The following SLC44A3 variants were observed in gnomAD, a reference collection of about 807,000 sequenced individuals.
SLC44A3 encodes the protein solute carrier family 44 member 3, also known as choline transporter-like protein 3.
In SLC44A3, 74 loss-of-function variants were observed where a neutral mutation model predicts 75.4. The observed-to-expected ratio is 0.98, with a 90% confidence interval of 0.81 to 1.19. SLC44A3 has a LOEUF of 1.19. Among genes scored for constraint, SLC44A3 ranks in the 50% most tolerant of loss-of-function variants. The pLI is 0.00. For missense variants in SLC44A3, 700 were observed against 778.6 expected (o/e 0.90, Z 1.20); for synonymous variants, 310 against 296.9 (o/e 1.04, Z -0.45).
intron 12 of SLC44A3, among the ~76,000 whole-genome samples, chr1:94,875,510 C>G (rs1668176549): frequency 6.8e-6 from 1 of 146,586 alleles, no homozygotes; most frequent in South Asian, 2.1e-4. Flanking sequence ...TTCCTTGCCC[C>G]TTCTGAGCCT....
chr1:94,868,824 C>T (rs911108347), intron 12 of SLC44A3, among the ~76,000 whole-genome samples: 1 of 152,284 alleles, frequency 6.6e-6, no homozygotes, highest in Non-Finnish European at 1.5e-5. Context: ...GTTATCCCCT[C>T]TCACTGTACT....
At chr1:94,834,257 G>T (rs1662497840) in intron 5 of SLC44A3, among the ~76,000 whole-genome samples, 2 of 152,264 alleles carry the variant, frequency 1.3e-5, no homozygotes, top group Non-Finnish European at 2.9e-5. Context: ...GAAAATACCA[G>T]CTACGTCTGG....
chr1:94,845,334 G>A lies in SLC44A3; in HGVS notation c.942G>A (p.Glu314=), dbSNP rs1483585090. The A allele has an allele frequency of 4.3e-6, 7 of 1,613,928 alleles. No homozygotes were observed. Among genetic ancestry groups the A allele is most frequent in the Non-Finnish European group, 5.9e-6 (7 of 1,179,952 alleles). The change falls in exon 9 of 15, where the codon GAG becomes GAA. Residue 314 remains glutamate (E), a synonymous_variant. Transcript: ENST00000271227. ...VLRKRIKLTV[E]LFQITNKAIS... ...GAAAGAGAATAAAATTGACAGTTGA[G>A]CTTTTCCAAATCACAAATAAAGCCA... is the stretch of plus-strand genomic sequence containing the variant.
chr1:94,892,220 T>C, intron 13 of SLC44A3, 61 bp from the exon 14 acceptor site: 1 of 1,477,612 alleles, frequency 6.8e-7, no homozygotes, highest in African/African-American at 1.4e-5. Context: ...TACTTGTAAC[T>C]GACAAAAACA....
chr1:94,824,682 A>C, intron 3 of SLC44A3, 47 bp downstream of exon 3: 1 of 1,485,716 alleles, frequency 6.7e-7, no homozygotes, highest in Non-Finnish European at 8.9e-7. Flanking sequence ...TGTACCTCAA[A>C]ACTTTGTATA....
intron 9 of SLC44A3, among the ~76,000 whole-genome samples, chr1:94,852,271 A>T (rs534107938): frequency 6.6e-6 from 1 of 152,312 alleles, no homozygotes; most frequent in South Asian, 2.1e-4. Context: ...AAAATTAAGC[A>T]GAAAGGACAA....
intron 9 of SLC44A3, among the ~76,000 whole-genome samples, chr1:94,857,021 A>C (rs1037504973): frequency 6.6e-5 from 10 of 152,076 alleles, no homozygotes; most frequent in African/African-American, 2.2e-4. Context: ...ATGAGCCACC[A>C]CACCCAGCCT....
At chr1:94,837,607 C>T in intron 5 of SLC44A3, 104 bp from the exon 6 acceptor site, 1 of 1,179,926 alleles carries the variant, frequency 8.5e-7, no homozygotes, top group Non-Finnish European at 1.1e-6. Context: ...CTCTCTATTA[C>T]TGTAGTTCTT....
At chr1:94,840,102 G>A in intron 7 of SLC44A3, 65 bp downstream of exon 7, 1 of 1,410,596 alleles carries the variant, frequency 7.1e-7, no homozygotes, top group South Asian at 1.2e-5. Context: ...ATTAAGTACA[G>A]AACTTAAAAG....
intron 12 of SLC44A3, among the ~76,000 whole-genome samples, chr1:94,884,287 A>AT (rs1669321251): frequency 5.7e-5 from 4 of 70,714 alleles, no homozygotes; most frequent in Admixed American, 2.7e-4. Context: ...AGGGATCTGA[A>AT]CGGTGAATGC....
chr1:94,877,404 C>T (rs921320797), intron 12 of SLC44A3, among the ~76,000 whole-genome samples: 17 of 152,258 alleles, frequency 1.1e-4, no homozygotes, highest in African/African-American at 4.1e-4. Flanking sequence ...CCCCACCTGG[C>T]CCCCTAACCT....
chr1:94,892,181 G>A (rs1025090107), intron 13 of SLC44A3, 100 bp from the exon 14 acceptor site: 13 of 1,070,316 alleles, frequency 1.2e-5, no homozygotes, highest in African/African-American at 4.8e-5. Context: ...GCACACACAC[G>A]TTGCACACAG....
intron 10 of SLC44A3, among the ~76,000 whole-genome samples, chr1:94,859,134 G>A (rs567400692): frequency 5.0e-4 from 76 of 152,316 alleles, no homozygotes; most frequent in African/African-American, 1.8e-3. Context: ...TTCCTCCCAG[G>A]TAGGGGAGCA....
intron 7 of SLC44A3, 26 bp downstream of exon 7, chr1:94,840,063 T>A: frequency 6.3e-7 from 1 of 1,576,332 alleles, no homozygotes; most frequent in Non-Finnish European, 8.7e-7. Flanking sequence ...CTTGACTGAT[T>A]TCTTTTCGAT....
chr1:94,850,164 T>G (rs901864813), intron 9 of SLC44A3, among the ~76,000 whole-genome samples: 1 of 152,242 alleles, frequency 6.6e-6, no homozygotes, highest in Non-Finnish European at 1.5e-5. Flanking sequence ...ATCATTCTTT[T>G]GACTAGTTGA....
chr1:94,872,993 G>T (rs574730304), intron 12 of SLC44A3, among the ~76,000 whole-genome samples: 1 of 152,336 alleles, frequency 6.6e-6, no homozygotes, highest in East Asian at 1.9e-4. Flanking sequence ...GTCTGAGAAT[G>T]TGAATGAACA....
intron 12 of SLC44A3, among the ~76,000 whole-genome samples, chr1:94,879,838 C>G (rs1034630200): frequency 1.6e-5 from 1 of 60,838 alleles, no homozygotes; most frequent in African/African-American, 5.3e-5. Flanking sequence ...GATTCTGTCT[C>G]AAAAAAAAAA....
At chr1:94,864,593 C>G (rs899147093) in intron 10 of SLC44A3, 150 bp from the exon 11 acceptor site, 1 of 625,272 alleles carries the variant, frequency 1.6e-6, no homozygotes, top group Admixed American at 3.2e-5. Flanking sequence ...AACAATTTAA[C>G]CGAAGCTACC....
chr1:94,869,016 C>T (rs550382796), intron 12 of SLC44A3, among the ~76,000 whole-genome samples: 32 of 152,362 alleles, frequency 2.1e-4, no homozygotes, highest in African/African-American at 7.5e-4. Context: ...CCTGGCCTTG[C>T]GGCCTGAGCA....
Sources: gnomAD v4.1 joint callset for allele counts (sites outside exome capture counted in the v4.1 genomes callset) on GRCh38, gnomAD v4.1.1 for gene constraint, MANE v1.5 for transcripts, NCBI Gene and HGNC (gene_info 2026-07-23, HGNC 2026-07-21) for gene names.